RUNDC3B: variants seen among roughly 807,000 people sequenced by gnomAD.
RUNDC3B encodes the protein RUN domain-containing protein 3B.
In RUNDC3B, 33 loss-of-function variants were observed where a neutral mutation model predicts 58.4. The observed-to-expected ratio is 0.56, with a 90% confidence interval of 0.43 to 0.75. The LOEUF (loss-of-function observed/expected upper bound fraction) is 0.75, where lower values mean the gene tolerates loss of function less well. RUNDC3B is among the 30% of genes least tolerant of loss of function. The probability of loss-of-function intolerance (pLI) is 0.00; values close to 1 mark genes in which losing one functional copy is unlikely to be tolerated. For missense variants in RUNDC3B, 501 were observed against 535.7 expected, an observed-to-expected ratio of 0.94 and a Z score of 0.64; for synonymous variants, 193 against 195.2, an observed-to-expected ratio of 0.99 and a Z score of 0.10.
Position 87,741,487 on chromosome 7 carries a change from C to T in RUNDC3B, c.549-12C>T. On this transcript the variant is annotated splice_polypyrimidine_tract_variant and intron_variant, in intron 5 of 10. Transcript: ENST00000394654. ...TATATTAATAGGAAATATTTATTTT[C>T]TATTGTCTTAGTTTCTGCCTAAAGG... is the stretch of plus-strand genomic sequence containing the variant. 1.4e-6 allele frequency: 2 copies of T among 1,397,684 alleles called. No homozygotes were observed. Among genetic ancestry groups the T allele is most frequent in the East Asian group, 2.4e-5 (1 of 41,212 alleles). 86.6% of individuals were successfully genotyped at this position (1,397,684 alleles called of 1,614,324 possible). A position where few individuals can be genotyped will look rare whatever the true frequency, so the allele number is the denominator to read the frequency against.
At position 87,830,236 on chromosome 7, in the gene RUNDC3B, C is replaced by T; in HGVS notation, c.*206C>T. 1 of 341,992 alleles carries T rather than the reference C, an allele frequency of 2.9e-6. No homozygotes were observed. The highest frequency in any genetic ancestry group is 5.2e-6 in the Non-Finnish European group (1 of 191,384). The allele number at this position is 341,992 out of a possible 1,614,324, so 21.2% of individuals were successfully genotyped here. ...TCATTTTTAAAATTCTTACATTTGT[C>T]ATTGAGAAAGTTCAAAATGGAATAG... On this transcript the variant is annotated 3_prime_UTR_variant, in exon 11 of 11. Transcript: ENST00000394654.
At chr7:87,667,562 A>G (rs568722222) in intron 2 of RUNDC3B, among the ~76,000 whole-genome samples, 163 of 151,082 alleles carry the variant, frequency 1.1e-3, no homozygotes, top group Non-Finnish European at 1.6e-3. Context: ...CATCCTTCTC[A>G]GTTTTCAAGG....
intron 2 of RUNDC3B, among the ~76,000 whole-genome samples, chr7:87,664,347 A>C (rs939247285): frequency 1.7e-4 from 26 of 152,074 alleles, no homozygotes; most frequent in Non-Finnish European, 4.4e-5. Flanking sequence ...TAAAAAAATA[A>C]AATATAAAAT....
At position 87,773,526 on chromosome 7, in the gene RUNDC3B, G is replaced by A. The variant is rs77496759; in HGVS notation, c.798+2777G>A. Reference sequence around the variant, plus strand: ...AGATTGAACGGATATAGTGAACTTCGATTAACACAATTAATAAACCTGATC... The same window carrying A: ...AGATTGAACGGATATAGTGAACTTCAATTAACACAATTAATAAACCTGATC... On this transcript the variant is annotated intron_variant, in intron 7 of 10. Coordinates refer to ENST00000394654, the MANE Select transcript of RUNDC3B (RefSeq NM_001134405.2). Among the ~76,000 whole-genome samples the A allele has an allele frequency of 3.3e-3, 500 of 152,028 alleles. 3 individuals carry two copies. The highest frequency in any genetic ancestry group is 0.011 in the African/African-American group (470 of 41,448).
intron 8 of RUNDC3B, among the ~76,000 whole-genome samples, chr7:87,801,168 A>G (rs1357976975): frequency 1.3e-5 from 2 of 152,276 alleles, no homozygotes; most frequent in African/African-American, 2.4e-5. Flanking sequence ...TTGTATATAC[A>G]TTATAGAGGT....
At chr7:87,721,530 G>T (rs1227265090) in intron 4 of RUNDC3B, among the ~76,000 whole-genome samples, 1 of 152,068 alleles carries the variant, frequency 6.6e-6, no homozygotes, top group Non-Finnish European at 1.5e-5. Context: ...TGATCACCCT[G>T]AAATGGCTAA....
intron 2 of RUNDC3B, among the ~76,000 whole-genome samples, chr7:87,686,360 A>G (rs1827454339): frequency 1.3e-5 from 2 of 152,208 alleles, no homozygotes; most frequent in African/African-American, 4.8e-5. Flanking sequence ...TATATTAACG[A>G]GCATGGTGTA....
Position 87,822,140 on chromosome 7 carries a change from C to T in RUNDC3B, c.1225+5878C>T, listed in dbSNP as rs1465500480. On this transcript the variant is annotated intron_variant, in intron 10 of 10. Coordinates refer to ENST00000394654, the MANE Select transcript of RUNDC3B (RefSeq NM_001134405.2). Reference sequence around the variant, plus strand: ...TGGGAGAAAATTTCCGCAACCTACTCATCTGACAAAGGACTAATATCCAGA... The same window carrying T: ...TGGGAGAAAATTTCCGCAACCTACTTATCTGACAAAGGACTAATATCCAGA... Among the ~76,000 whole-genome samples the T allele has an allele frequency of 2.6e-5, 4 of 152,184 alleles. No homozygotes were observed. In the East Asian group the frequency reaches 7.7e-4, roughly 29 times the overall value.
At chr7:87,703,072 CATT>C (rs1266954617) in intron 3 of RUNDC3B, among the ~76,000 whole-genome samples, 2 of 152,006 alleles carry the variant, frequency 1.3e-5, no homozygotes, top group Non-Finnish European at 1.5e-5. Flanking sequence ...CAGAATGAAA[CATT>C]AAGTAGAAAA....
chr7:87,634,496 G>GA (rs1346009107), intron 1 of RUNDC3B, among the ~76,000 whole-genome samples: 1 of 36,658 alleles, frequency 2.7e-5, no homozygotes, highest in African/African-American at 6.5e-5. Context: ...GTGGGGGGTG[G>GA]GGGGGGGGGC....
chr7:87,788,832 A>C (rs73706923), intron 8 of RUNDC3B, among the ~76,000 whole-genome samples: 1,939 of 150,364 alleles, frequency 0.013, 42 homozygotes, highest in African/African-American at 0.045. Flanking sequence ...ATAATTATTT[A>C]TGCTAATTGG....
intron 10 of RUNDC3B, among the ~76,000 whole-genome samples, chr7:87,823,446 G>T: frequency 6.7e-6 from 1 of 149,228 alleles, no homozygotes. Flanking sequence ...ATAAGTTATT[G>T]GGAAATAGGG....
intron 8 of RUNDC3B, among the ~76,000 whole-genome samples, chr7:87,786,238 A>G (rs1025216707): frequency 6.6e-6 from 1 of 152,082 alleles, no homozygotes; most frequent in African/African-American, 2.4e-5. Context: ...GCCCAGCTCC[A>G]CTTCCTCCTT....
intron 2 of RUNDC3B, among the ~76,000 whole-genome samples, chr7:87,652,561 A>G (rs554405872): frequency 2.0e-5 from 3 of 149,688 alleles, no homozygotes; most frequent in South Asian, 4.2e-4. Flanking sequence ...GAATTGTGTT[A>G]ATTTTTTAAG....
intron 6 of RUNDC3B, among the ~76,000 whole-genome samples, chr7:87,742,930 G>A (rs960435563): frequency 6.6e-5 from 10 of 152,074 alleles, no homozygotes; most frequent in African/African-American, 1.4e-4. Flanking sequence ...GGGCTAACAC[G>A]GTGAAACCCC....
chr7:87,804,172 G>A (rs1402650117), intron 8 of RUNDC3B, among the ~76,000 whole-genome samples: 1 of 152,144 alleles, frequency 6.6e-6, no homozygotes, highest in Non-Finnish European at 1.5e-5. Flanking sequence ...AAGAACCTTG[G>A]AAGATGGATG....
At chr7:87,709,215 C>T (rs1344580459) in intron 3 of RUNDC3B, 3 of 983,598 alleles carry the variant, frequency 3.1e-6, no homozygotes, top group Non-Finnish European at 3.6e-6. Flanking sequence ...CAAGATTTTC[C>T]CTACATTTCT....
At chr7:87,674,230 T>C (rs1211584829) in intron 2 of RUNDC3B, among the ~76,000 whole-genome samples, 2 of 152,180 alleles carry the variant, frequency 1.3e-5, no homozygotes, top group Non-Finnish European at 2.9e-5. Context: ...ACACCCTCAT[T>C]GGCTGGGGCA....
chr7:87,663,738 G>A (rs1012042762), intron 2 of RUNDC3B, among the ~76,000 whole-genome samples: 2 of 152,060 alleles, frequency 1.3e-5, no homozygotes, highest in Admixed American at 6.6e-5. Context: ...ATACTGAGAG[G>A]CTTAAGTAAC....
Sources: allele counts gnomAD v4.1 joint callset (sites outside exome capture counted in the v4.1 genomes callset), GRCh38; gene constraint gnomAD v4.1.1; transcripts MANE v1.5; gene names NCBI Gene and HGNC (gene_info 2026-07-23, HGNC 2026-07-21).